IL18BP: variants seen among roughly 807,000 people sequenced by gnomAD.
IL18BP encodes interleukin-18-binding protein.
In IL18BP, 23 loss-of-function variants were observed where a neutral mutation model predicts 19.9. The ratio of observed to expected loss-of-function variants is 1.15; its 90% CI spans 0.83 to 1.64. IL18BP has a LOEUF of 1.64. IL18BP is among the 40% of genes most tolerant of loss of function. IL18BP has a pLI of 0.00. For synonymous variants in IL18BP, 107 were observed against 101.0 expected (o/e 1.06, Z -0.35); for missense variants, 239 against 240.7 (o/e 0.99, Z 0.05).
At chr11:72,004,108 A>G (rs772391872), downstream of IL18BP, 18 of 1,613,002 alleles carry the variant, frequency 1.1e-5, no homozygotes, top group Admixed American at 6.7e-5. Flanking sequence ...GCCTGCAAGG[A>G]AGGGCTGTCA....
chr11:72,004,530 AAG>A (rs1468520118), downstream of IL18BP: 12 of 1,284,070 alleles, frequency 9.3e-6, no homozygotes, highest in Admixed American at 2.2e-5. Context: ...GAGAGAGGGA[AAG>A]AGAGGGGGAA....
At chr11:72,004,102 G>A (rs1955489081), downstream of IL18BP, 3 of 1,613,096 alleles carry the variant, frequency 1.9e-6, no homozygotes, top group South Asian at 2.2e-5. Context: ...CGGTCAGCCT[G>A]CAAGGAAGGG....
chr11:72,004,947 G>C (rs1955586818), downstream of IL18BP: 1 of 945,960 alleles, frequency 1.1e-6, no homozygotes, highest in Non-Finnish European at 1.5e-6. Flanking sequence ...GAGGTAGAAA[G>C]ACACAAGGCC....
chr11:72,000,650 C>T, intron 3 of IL18BP, 93 bp downstream of exon 3: 2 of 1,069,672 alleles, frequency 1.9e-6, no homozygotes, highest in Non-Finnish European at 2.8e-6. Context: ...TGCCCATGTA[C>T]CACCAGCTGA....
downstream of IL18BP, chr11:72,007,420 G>A: frequency 1.2e-6 from 2 of 1,613,552 alleles, no homozygotes; most frequent in Non-Finnish European, 8.5e-7. Flanking sequence ...CGTCTGGCTG[G>A]GTACGAGGCA....
chr11:72,001,778 C>G lies in IL18BP; in HGVS notation c.508-6C>G. 1 of 1,614,130 alleles carries G rather than the reference C, an allele frequency of 6.2e-7. No homozygotes were observed. On this transcript the variant is annotated splice_polypyrimidine_tract_variant and splice_region_variant and intron_variant, in intron 5 of 5. Coordinates refer to ENST00000393703, the MANE Select transcript of IL18BP (RefSeq NM_001039660.2). ...GCCTGATCCTTGTCTGCCTTCACTT[C>G]CCTAGGCTGGGCTGAGGGCAACCTT...
At chr11:72,003,460 G>C (rs897442801), downstream of IL18BP, 1 of 1,492,108 alleles carries the variant, frequency 6.7e-7, no homozygotes, top group South Asian at 1.1e-5. Flanking sequence ...GAGAGGGACA[G>C]TAGGCGGAGG....
rs769692426 is a variant in IL18BP at position 72,001,810 on chromosome 11, C to A, written c.534C>A (p.Pro178=). The change falls in exon 6 of 6, where the codon CCC becomes CCA. Residue 178 remains proline, a synonymous_variant. Transcript: ENST00000393703. ...CTGGGCTGAGGGCAACCTTGCCCCCCACCCAAGAAGCCCTGCCCTCCAGCC... is the reference window on the plus strand; with the variant it reads ...CTGGGCTGAGGGCAACCTTGCCCCCAACCCAAGAAGCCCTGCCCTCCAGCC... ...LWAGLRATLP[P]TQEALPSSHS... The A allele has an allele frequency of 6.2e-7, 1 of 1,614,094 alleles. No homozygotes were observed. Among genetic ancestry groups the A allele is most frequent in the Non-Finnish European group, 8.5e-7 (1 of 1,179,974 alleles).
chr11:72,000,268 C>G, intron 2 of IL18BP, 83 bp from the exon 3 acceptor site: 1 of 1,247,258 alleles, frequency 8.0e-7, no homozygotes, highest in Non-Finnish European at 1.2e-6. Flanking sequence ...AGAACCCAGA[C>G]ATCTCTGGGC....
chr11:72,000,118 C>T (rs1436288207), intron 2 of IL18BP, 106 bp downstream of exon 2: 12 of 1,240,948 alleles, frequency 9.7e-6, no homozygotes, highest in African/African-American at 1.5e-5. Flanking sequence ...AACCACCCAG[C>T]GCACCTGGTG....
downstream of IL18BP, chr11:72,004,477 T>G (rs2134363240): frequency 8.3e-7 from 1 of 1,200,486 alleles, no homozygotes; most frequent in South Asian, 1.3e-5. Context: ...CTGGGCCAGA[T>G]CCTTCCCTTC....
intron 3 of IL18BP, among the ~76,000 whole-genome samples, chr11:72,000,839 C>T (rs111948178): frequency 0.02 from 3,038 of 152,328 alleles, 37 homozygotes; most frequent in Middle Eastern, 0.065. Flanking sequence ...CCCCTCCACC[C>T]AGAGCCTGCT....
chr11:72,001,197 C>G lies in IL18BP; in HGVS notation c.236-4C>G. 2 of 1,614,086 alleles carry G rather than the reference C, an allele frequency of 1.2e-6. No homozygotes were observed. Among genetic ancestry groups the G allele is most frequent in the Non-Finnish European group, 1.7e-6 (2 of 1,179,970 alleles). On this transcript the variant is annotated splice_region_variant and splice_polypyrimidine_tract_variant and intron_variant, in intron 3 of 5. Transcript: ENST00000393703. ...GAAGAGCTAACTGCTGCCTGTGTCC[C>G]TAGATGGAACGCTGAGCTTATCCTG...
Position 72,001,769 on chromosome 11 carries a change from C to T in IL18BP, c.508-15C>T, listed in dbSNP as rs750138575. ...CTTTCCTTGGCCTGATCCTTGTCTGCCTTCACTTCCCTAGGCTGGGCTGAG... is the reference window on the plus strand; with the variant it reads ...CTTTCCTTGGCCTGATCCTTGTCTGTCTTCACTTCCCTAGGCTGGGCTGAG... On this transcript the variant is annotated splice_polypyrimidine_tract_variant and intron_variant, in intron 5 of 5. Coordinates refer to ENST00000393703, the MANE Select transcript of IL18BP (RefSeq NM_001039660.2). The T allele has an allele frequency of 1.2e-6, 2 of 1,614,110 alleles. No individual in the cohort carries two copies. Among genetic ancestry groups the T allele is most frequent in the Admixed American group, 1.7e-5 (1 of 60,030 alleles).
downstream of IL18BP, chr11:72,004,440 A>G: frequency 8.0e-7 from 1 of 1,252,750 alleles, no homozygotes. Flanking sequence ...TTGTAAGTCA[A>G]CGTGCAACCT....
In IL18BP at chr11:71,998,934, C is replaced by G. The variant is rs532934417; in HGVS notation, c.-144C>G. On this transcript the variant is annotated 5_prime_UTR_variant, in exon 1 of 6. Transcript: ENST00000393703. ...GTATTTCCTGTGGTGGGTTCACACG[C>G]AGCTAGACACAGCTAACTTGAGTCT... 40 of 221,150 alleles carry G rather than the reference C, an allele frequency of 1.8e-4. No homozygotes were observed. The South Asian group carries it at 1.9e-3, about 11-fold the overall frequency. The allele number at this position is 221,150 out of a possible 1,614,324, so 13.7% of individuals were successfully genotyped here. A position where few individuals can be genotyped will look rare whatever the true frequency, so the allele number is the denominator to read the frequency against.
chr11:72,002,091 T>C lies in IL18BP; in HGVS notation c.*230T>C. On this transcript the variant is annotated 3_prime_UTR_variant, in exon 6 of 6. Coordinates refer to ENST00000393703, the MANE Select transcript of IL18BP (RefSeq NM_001039660.2). ...CTCCTCCTGCCATTCTCTCTCCACC[T>C]ATCCATTAGCCTTCCTAACGTCCTA... 1.6e-6 allele frequency: 1 copy of C among 627,468 alleles called. No homozygotes were observed. Among genetic ancestry groups the C allele is most frequent in the Non-Finnish European group, 2.8e-6 (1 of 352,158 alleles). 38.9% of individuals were successfully genotyped at this position (627,468 alleles called of 1,614,324 possible).
downstream of IL18BP, chr11:72,003,676 G>A (rs1343246983): frequency 1.7e-6 from 2 of 1,199,724 alleles, no homozygotes; most frequent in South Asian, 1.3e-5. Context: ...TCAGTTGCTG[G>A]CTGTGCCTGA....
chr11:72,005,428 C>T, downstream of IL18BP: 1 of 1,556,978 alleles, frequency 6.4e-7, no homozygotes, highest in Middle Eastern at 1.7e-4. Context: ...CACCTCCTGG[C>T]CCTGGCATCT....
Sources: allele counts gnomAD v4.1 joint callset (sites outside exome capture counted in the v4.1 genomes callset), GRCh38; gene constraint gnomAD v4.1.1; transcripts MANE v1.5; gene names NCBI Gene and HGNC (gene_info 2026-07-23, HGNC 2026-07-21).